The following ANHX variants were observed in gnomAD, a reference collection of about 807,000 sequenced individuals.
ANHX encodes the protein anomalous homeobox protein.
Under a neutral mutation model 38.9 loss-of-function variants are expected in ANHX, and 20 were observed. The observed-to-expected ratio is 0.51, with a 90% CI of 0.36 to 0.75. The LOEUF (loss-of-function observed/expected upper bound fraction) is 0.75, where lower values mean the gene tolerates loss of function less well. Ranked by LOEUF, ANHX falls within the 30% of genes least tolerant of loss-of-function variation. The pLI is 0.00. For synonymous variants in ANHX, 185 were observed against 203.1 expected (o/e 0.91, Z 0.76); for missense variants, 475 against 493.1 (o/e 0.96, Z 0.35).
At chr12:133,232,592 C>A (rs1398327684) in intron 2 of ANHX, among the ~76,000 whole-genome samples, 1 of 152,158 alleles carries the variant, frequency 6.6e-6, no homozygotes, top group African/African-American at 2.4e-5. Context: ...GGGTTGCCAC[C>A]CGTTCTTGAT....
chr12:133,229,249 G>T (rs911336279), intron 3 of ANHX, among the ~76,000 whole-genome samples: 3 of 152,180 alleles, frequency 2.0e-5, no homozygotes, highest in Admixed American at 6.5e-5. Flanking sequence ...GTTCCAGCTG[G>T]TTATGCTCCT....
intron 3 of ANHX, among the ~76,000 whole-genome samples, chr12:133,228,503 A>G (rs1244496863): frequency 1.3e-5 from 2 of 152,118 alleles, no homozygotes; most frequent in East Asian, 3.9e-4. Flanking sequence ...GCCACCCTGC[A>G]TGGCCACGCC....
chr12:133,228,969 A>G (rs1300171830), intron 3 of ANHX, among the ~76,000 whole-genome samples: 1 of 151,974 alleles, frequency 6.6e-6, no homozygotes, highest in African/African-American at 2.4e-5. Context: ...AGCTCACACA[A>G]TCCGAAGTTC....
intron 7 of ANHX, among the ~76,000 whole-genome samples, chr12:133,222,805 G>A (rs1026683052): frequency 6.6e-6 from 1 of 152,192 alleles, no homozygotes; most frequent in Admixed American, 6.5e-5. Context: ...GAACCTTAGA[G>A]AAGTGTAAGA....
intron 3 of ANHX, 44 bp downstream of exon 3, chr12:133,231,473 T>C: frequency 6.5e-7 from 1 of 1,535,088 alleles, no homozygotes; most frequent in Non-Finnish European, 8.7e-7. Flanking sequence ...TCTAATCCCT[T>C]GGGATCCCCA....
chr12:133,224,694 G>T (rs545410950), intron 7 of ANHX, among the ~76,000 whole-genome samples: 1 of 147,734 alleles, frequency 6.8e-6, no homozygotes, highest in Admixed American at 6.8e-5. Context: ...TGCTGGGCGT[G>T]GTGGCTCACG....
At chr12:133,219,197 G>A in intron 9 of ANHX, 86 bp downstream of exon 9, 1 of 1,236,954 alleles carries the variant, frequency 8.1e-7, no homozygotes, top group Non-Finnish European at 1.1e-6. Flanking sequence ...TCACTCCAGT[G>A]GCACTAGCTG....
At position 133,226,994 on chromosome 12, in the gene ANHX, CAGG is replaced by C; in HGVS notation, c.657_659del (p.Leu220del). On this transcript the variant is annotated inframe_deletion, in exon 5 of 10. Coordinates refer to ENST00000545940, the MANE Select transcript of ANHX (RefSeq NM_001372060.1). ...CAACACGGGGGTTGCCTGAGGGCTG[CAGG>C]AGGTCAGGACCCCTCTCCCTCGCAC... The C allele has an allele frequency of 6.5e-7, 1 of 1,534,654 alleles. No homozygotes were observed. Among genetic ancestry groups the C allele is most frequent in the Non-Finnish European group, 8.7e-7 (1 of 1,145,962 alleles).
chr12:133,234,216 C>T lies in ANHX; in HGVS notation c.141G>A (p.Leu47=), dbSNP rs1376944712. ...AQLQPLVTAI[L]DSQLRLHLLD... is the part of the protein sequence containing the mutation. ...GGAGATGCAGGCGGAGCTGGCTGTC[C>T]AGAATGGCTGTGACCAAAGGCTGCA... Residue 47 remains leucine, a synonymous_variant, in exon 2 of 10, where the codon CTG becomes CTA. Transcript: ENST00000545940. 2.0e-6 allele frequency: 3 copies of T among 1,536,202 alleles called. No homozygotes were observed. The highest frequency in any genetic ancestry group is 2.6e-6 in the Non-Finnish European group (3 of 1,146,914).
chr12:133,224,624 C>T (rs1957158864), intron 7 of ANHX, among the ~76,000 whole-genome samples: 2 of 138,090 alleles, frequency 1.4e-5, no homozygotes, highest in Admixed American at 7.5e-5. Context: ...GATCGTGACA[C>T]TGCACTCTAG....
At chr12:133,226,894 G>GT in intron 5 of ANHX, 42 bp downstream of exon 5, 1 of 1,461,028 alleles carries the variant, frequency 6.8e-7, no homozygotes, top group Non-Finnish European at 9.0e-7. Context: ...TCAGAAACCA[G>GT]CTCCCCGACC....
chr12:133,232,104 T>G (rs1957286543), intron 2 of ANHX, among the ~76,000 whole-genome samples: 1 of 152,190 alleles, frequency 6.6e-6, no homozygotes, highest in African/African-American at 2.4e-5. Flanking sequence ...TTTGAGGGCC[T>G]GATGTCTGAT....
rs1303458966 is a variant in ANHX, at chr12:133,234,317, T to G, written c.40A>C (p.Thr14Pro). The change falls in exon 2 of 10, where the codon ACC (threonine) becomes CCC (proline). Residue 14 changes from threonine (T) to proline (P), a missense_variant. Transcript: ENST00000545940. Reference protein sequence around the residue: ...FLTLLKEHEDTCAPPAELVTL... With the variant: ...FLTLLKEHEDPCAPPAELVTL... ...ACCAGCTCCGCCGGGGGTGCACAGG[T>G]GTCCTCATGCTCCTTCAGCAGAGTC... 6 of 1,535,966 alleles carry G rather than the reference T, an allele frequency of 3.9e-6. No individual in the cohort carries two copies. In the East Asian group the frequency reaches 1.2e-4, roughly 31 times the overall value.
chr12:133,233,841 T>G (rs1474862175), intron 2 of ANHX, among the ~76,000 whole-genome samples: 1 of 152,206 alleles, frequency 6.6e-6, no homozygotes, highest in African/African-American at 2.4e-5. Context: ...ATTGGCATCT[T>G]GCCTGTCACA....
rs939394187 is a variant in ANHX, at chr12:133,221,318, G to A, written c.1167C>T (p.Ser389=). Residue 389 remains serine (S), a synonymous_variant, in exon 8 of 10, where the codon AGC becomes AGT. Coordinates refer to ENST00000545940, the MANE Select transcript of ANHX (RefSeq NM_001372060.1). This position sits in a 1 kb window ranked among gnomAD's most constrained non-coding sequence, Gnocchi z 4.1. ...TGCCCAGACCCTCCTCCAATTGCAC[G>A]CTCTGGGGATGGCCGCTGGGGGGGC... ...FSGPPSGHPQ[S]VQLEEGLGTS... 14 of 1,535,760 alleles carry A rather than the reference G, an allele frequency of 9.1e-6. No homozygotes were observed. The African/African-American group carries it at 9.6e-5, about 11-fold the overall frequency.
intron 4 of ANHX, among the ~76,000 whole-genome samples, 196 bp downstream of exon 4, chr12:133,227,628 C>T (rs575002743): frequency 2.0e-5 from 3 of 152,318 alleles, no homozygotes; most frequent in South Asian, 2.1e-4. Flanking sequence ...TATGACTCCA[C>T]GTGAGAAAAT....
Position 133,234,278 on chromosome 12 carries a change from T to G in ANHX, c.79A>C (p.Arg27=), listed in dbSNP as rs1294367546. ...TCATCCTGGAAGTCCCGGCACAGTC[T>G]GCCCGCAAGGGTCACCAGCTCCGCC... ...PPAELVTLAG[R]LCRDFQDDLA... Residue 27 remains arginine (R), a synonymous_variant, in exon 2 of 10, where the codon AGA becomes CGA. Transcript: ENST00000545940. 2 of 1,536,074 alleles carry G rather than the reference T, an allele frequency of 1.3e-6. No homozygotes were observed. Among genetic ancestry groups the G allele is most frequent in the African/African-American group, 1.4e-5 (1 of 73,062 alleles).
rs1422901411 is a variant in ANHX at position 133,218,933 on chromosome 12, G to C, written c.1404C>G (p.Phe468Leu). ...CSDSQASGDA[F>L]WGARMLLEFS... is the part of the protein sequence containing the mutation. The stretch of plus-strand genomic sequence containing the variant: ...ACTCAAGGAGCATCCTGGCTCCCCA[G>C]AAGGCATCACCAGAGGCCTGGCTAT... Residue 468 changes from phenylalanine to leucine, a missense_variant, in exon 10 of 10, where the codon TTC becomes TTG. Physicochemically the swap from Phe to Leu is conservative, Grantham distance 22 (BLOSUM62 0). Transcript: ENST00000545940. 2.0e-6 allele frequency: 3 copies of C among 1,534,470 alleles called. No individual in the cohort carries two copies. Among genetic ancestry groups the C allele is most frequent in the Non-Finnish European group, 2.6e-6 (3 of 1,145,826 alleles).
At chr12:133,234,078 C>G in intron 2 of ANHX, 30 bp downstream of exon 2, 1 of 1,532,138 alleles carries the variant, frequency 6.5e-7, no homozygotes, top group Non-Finnish European at 8.7e-7. Flanking sequence ...CTACCTCTCT[C>G]TGTACCCTAC....
Sources: allele counts gnomAD v4.1 joint callset (sites outside exome capture counted in the v4.1 genomes callset), GRCh38; gene constraint gnomAD v4.1.1; non-coding constraint Gnocchi (gnomAD v3.1); transcripts MANE v1.5; gene names NCBI Gene and HGNC (gene_info 2026-07-23, HGNC 2026-07-21).